The following AMZ1 variants were observed in gnomAD, a reference collection of about 807,000 sequenced individuals.
The protein encoded by AMZ1 is archaelysin family metallopeptidase 1, also known as archaemetzincin-1.
Under a neutral mutation model 29.9 loss-of-function variants are expected in AMZ1, and 39 were observed. That is an observed-to-expected ratio of 1.30 (90% confidence interval 1.01 to 1.70). The LOEUF is 1.70. Ranked by LOEUF, AMZ1 falls within the 40% of genes most tolerant of loss-of-function variation. The pLI is 0.00. For synonymous variants in AMZ1, 458 were observed against 304.0 expected, an observed-to-expected ratio of 1.51 and a Z score of -5.27; for missense variants, 1,041 against 680.6, an observed-to-expected ratio of 1.53 and a Z score of -5.89.
rs1247586425 is a variant in AMZ1, at chr7:2,708,491, CAGGCAG to C, written c.473-93_473-88del. 101 of 1,553,484 alleles carry C rather than the reference CAGGCAG, an allele frequency of 6.5e-5. No individual in the cohort carries two copies. The South Asian group carries it at 1.1e-3, about 16-fold the overall frequency. On this transcript the variant is annotated intron_variant, in intron 3 of 6. Coordinates refer to ENST00000683327, the MANE Select transcript of AMZ1 (RefSeq NM_001384743.1). ...ACCTGACTTGGGAAGGGGCAGGGCCCAGGCAGAGGAAGAGGATGACGGGGTGCCAGC... is the reference window on the plus strand; with the variant it reads ...ACCTGACTTGGGAAGGGGCAGGGCCCAGGAAGAGGATGACGGGGTGCCAGC...
intron 4 of AMZ1, among the ~76,000 whole-genome samples, chr7:2,735,480 C>G (rs1032503281): frequency 6.6e-6 from 1 of 152,128 alleles, no homozygotes; most frequent in African/African-American, 2.4e-5. Flanking sequence ...CCAGATAGTA[C>G]GGACGCAAGG....
intron 1 of AMZ1, among the ~76,000 whole-genome samples, chr7:2,680,522 C>T (rs1448656351): frequency 6.6e-6 from 1 of 152,182 alleles, no homozygotes; most frequent in African/African-American, 2.4e-5. Flanking sequence ...TCCTTGCTAC[C>T]TGAGATCCCC....
chr7:2,764,817 C>G (rs570244000), exon 1 of AMZ1: 13 of 152,378 alleles, frequency 8.5e-5, no homozygotes, highest in African/African-American at 3.1e-4. Context: ...GAAGGGAACA[C>G]TGAGACTGAC....
chr7:2,688,864 C>T (rs1475284630), intron 1 of AMZ1, among the ~76,000 whole-genome samples: 1 of 152,202 alleles, frequency 6.6e-6, no homozygotes, highest in Non-Finnish European at 1.5e-5. Flanking sequence ...GTCTCAAAAC[C>T]AGAAAAGCAA....
intron 6 of AMZ1, 42 bp from the exon 7 acceptor site, chr7:2,712,288 G>T: frequency 1.3e-6 from 2 of 1,513,542 alleles, no homozygotes; most frequent in Non-Finnish European, 8.9e-7. Context: ...GCTAGACAAG[G>T]GCTGGCACGG....
chr7:2,764,372 C>T (rs1328316981), upstream of AMZ1, among the ~76,000 whole-genome samples: 3 of 152,052 alleles, frequency 2.0e-5, no homozygotes, highest in Admixed American at 1.3e-4. Context: ...CGTGTGCTCC[C>T]GCATCCAGGC....
At chr7:2,694,341 C>G (rs541142333) in intron 1 of AMZ1, among the ~76,000 whole-genome samples, 26 of 152,222 alleles carry the variant, frequency 1.7e-4, no homozygotes, top group Non-Finnish European at 2.6e-4. Context: ...GGTTCTCAGG[C>G]CTTCGGACAT....
At chr7:2,736,646 C>G (rs530027121) in intron 4 of AMZ1, among the ~76,000 whole-genome samples, 1 of 152,234 alleles carries the variant, frequency 6.6e-6, no homozygotes, top group African/African-American at 2.4e-5. Flanking sequence ...GGCCGACACA[C>G]GCCCATGAGG....
intron 4 of AMZ1, among the ~76,000 whole-genome samples, chr7:2,751,382 C>A (rs1449084401): frequency 6.9e-6 from 1 of 145,054 alleles, no homozygotes; most frequent in Admixed American, 7.0e-5. Context: ...CAGAGCAAGA[C>A]CGTTTCAAAG....
chr7:2,682,291 G>T (rs980070914), intron 1 of AMZ1, among the ~76,000 whole-genome samples: 1 of 139,386 alleles, frequency 7.2e-6, no homozygotes, highest in South Asian at 2.7e-4. Flanking sequence ...AGGACAGGGT[G>T]GGGGGTGGGA....
At chr7:2,724,407 A>C (rs1391817216), downstream of AMZ1, among the ~76,000 whole-genome samples, 3 of 152,368 alleles carry the variant, frequency 2.0e-5, no homozygotes, top group East Asian at 5.8e-4. Context: ...TCACAGAATG[A>C]AGTGAGTTCA....
At chr7:2,709,591 A>T (rs767591933) in intron 5 of AMZ1, 49 bp from the exon 6 acceptor site, 1 of 1,577,906 alleles carries the variant, frequency 6.3e-7, no homozygotes, top group Non-Finnish European at 8.6e-7. Flanking sequence ...GATCTGCCGG[A>T]TGCAGGGGCA....
Position 2,733,235 on chromosome 7 carries a change from T to C in AMZ1, n.550+23419T>C, listed in dbSNP as rs1789989496. Among the ~76,000 whole-genome samples, 4 of 152,328 alleles carry C rather than the reference T, an allele frequency of 2.6e-5. No homozygotes were observed. In the South Asian group the frequency reaches 6.2e-4, roughly 24 times the overall value. On this transcript the variant is annotated intron_variant and non_coding_transcript_variant, in intron 4 of 4. Transcript: ENST00000489665. The stretch of plus-strand genomic sequence containing the variant: ...TGAACTCCTCTGTCTGTCTCCTTTA[T>C]GGTGATCTGGGCAAAGGCAGTTTCC...
intron 4 of AMZ1, chr7:2,733,357 C>T (rs915788793): frequency 1.0e-6 from 1 of 994,126 alleles, no homozygotes. Context: ...GCCTGTCAGT[C>T]CAGCCAAAGT....
chr7:2,679,979 T>A (rs1041017834), intron 1 of AMZ1, among the ~76,000 whole-genome samples: 1 of 152,082 alleles, frequency 6.6e-6, no homozygotes, highest in African/African-American at 2.4e-5. Context: ...GATGTGAGGC[T>A]GGGGCAGACA....
upstream of AMZ1, among the ~76,000 whole-genome samples, chr7:2,687,062 C>T (rs1787106997): frequency 6.6e-6 from 1 of 151,588 alleles, no homozygotes; most frequent in Non-Finnish European, 1.5e-5. Flanking sequence ...GGTGTGGTGG[C>T]TCACGCCTGT....
upstream of AMZ1, among the ~76,000 whole-genome samples, chr7:2,684,319 C>T (rs1786991487): frequency 6.6e-6 from 1 of 152,174 alleles, no homozygotes; most frequent in African/African-American, 2.4e-5. Flanking sequence ...GAGATCCTTA[C>T]TTTAACCATA....
At chr7:2,709,984 G>C (rs956151096) in intron 6 of AMZ1, among the ~76,000 whole-genome samples, 168 bp downstream of exon 6, 3 of 152,228 alleles carry the variant, frequency 2.0e-5, no homozygotes, top group African/African-American at 4.8e-5. Flanking sequence ...AGCTCCATCC[G>C]GATCTCACTG....
At chr7:2,708,447 C>T (rs781619478) in intron 3 of AMZ1, 141 bp from the exon 4 acceptor site, 10 of 1,318,530 alleles carry the variant, frequency 7.6e-6, no homozygotes, top group Admixed American at 2.2e-5. Context: ...TCAGGTCACA[C>T]CAAACGCTGG....
Sources: allele counts gnomAD v4.1 joint callset (sites outside exome capture counted in the v4.1 genomes callset), GRCh38; gene constraint gnomAD v4.1.1; transcripts MANE v1.5; gene names NCBI Gene and HGNC (gene_info 2026-07-23, HGNC 2026-07-21).